The following SPHKAP variants were observed in gnomAD, a reference collection of about 807,000 sequenced individuals.
SPHKAP encodes A-kinase anchor protein SPHKAP.
Under a neutral mutation model 137.5 loss-of-function variants are expected in SPHKAP, and 67 were observed. The observed-to-expected ratio is 0.49, with a 90% CI of 0.40 to 0.60. The LOEUF (loss-of-function observed/expected upper bound fraction) is 0.60. SPHKAP is among the 20% of genes least tolerant of loss of function. SPHKAP has a pLI of 0.00. For missense variants in SPHKAP, 2,097 were observed against 2,069.3 expected (o/e 1.01, Z -0.26); for synonymous variants, 813 against 785.3 (o/e 1.04, Z -0.59).
chr2:228,012,551 C>T (rs1366418997), intron 7 of SPHKAP, among the ~76,000 whole-genome samples: 1 of 152,162 alleles, frequency 6.6e-6, no homozygotes, highest in African/African-American at 2.4e-5. Flanking sequence ...TTTTTCTCAT[C>T]ACACTGTACA....
intron 2 of SPHKAP, 71 bp downstream of exon 2, chr2:228,131,909 G>A: frequency 1.9e-6 from 3 of 1,545,336 alleles, no homozygotes; most frequent in Non-Finnish European, 2.7e-6. Context: ...TAGGAAGAGT[G>A]CTTAAAATTT....
At chr2:228,054,181 C>T (rs991360830) in intron 3 of SPHKAP, among the ~76,000 whole-genome samples, 2 of 152,002 alleles carry the variant, frequency 1.3e-5, no homozygotes, top group African/African-American at 4.8e-5. Context: ...TCAGAGACAA[C>T]GTGGAGAGGA....
chr2:228,107,552 T>C (rs1451162946), intron 3 of SPHKAP, among the ~76,000 whole-genome samples: 1 of 152,154 alleles, frequency 6.6e-6, no homozygotes, highest in Non-Finnish European at 1.5e-5. Context: ...CATATACTCT[T>C]TGCCTTTCAC....
At chr2:228,055,758 A>G (rs949818698) in intron 3 of SPHKAP, among the ~76,000 whole-genome samples, 18 of 152,218 alleles carry the variant, frequency 1.2e-4, no homozygotes, top group African/African-American at 4.1e-4. Context: ...TACTACTCCC[A>G]TGAAAGCTGT....
chr2:228,121,861 A>G (rs1574868556), intron 2 of SPHKAP, among the ~76,000 whole-genome samples: 1 of 152,134 alleles, frequency 6.6e-6, no homozygotes, highest in Admixed American at 6.6e-5. Context: ...CACTGGCAGG[A>G]CTGAAAACTG....
chr2:228,029,248 TTTAG>T (rs2106234028), intron 3 of SPHKAP, among the ~76,000 whole-genome samples: 1 of 152,356 alleles, frequency 6.6e-6, no homozygotes, highest in South Asian at 2.1e-4. Context: ...TTACCTGGAA[TTTAG>T]TTAGACATTT....
At position 228,017,449 on chromosome 2, in the gene SPHKAP, G is replaced by T; in HGVS notation, c.3405C>A (p.Asn1135Lys). The T allele has an allele frequency of 6.2e-7, 1 of 1,613,808 alleles. No homozygotes were observed. Among genetic ancestry groups the T allele is most frequent in the Non-Finnish European group, 8.5e-7 (1 of 1,180,008 alleles). Reference sequence around the variant, plus strand: ...ATCCTCTCCCTTCATTTTCCATCTGGTTCACCATGAACCTGGAAAACTCAT... The same window carrying T: ...ATCCTCTCCCTTCATTTTCCATCTGTTTCACCATGAACCTGGAAAACTCAT... ...ITDEFSRFMV[N>K]QMENEGRGFE... Residue 1135 changes from asparagine to lysine, a missense_variant, in exon 7 of 12, where the codon AAC becomes AAA. Transcript: ENST00000392056.
intron 7 of SPHKAP, among the ~76,000 whole-genome samples, chr2:228,006,692 T>A (rs1694152258): frequency 6.6e-6 from 1 of 152,230 alleles, no homozygotes. Context: ...TGGTCTTTGA[T>A]GATGGTGATG....
intron 3 of SPHKAP, among the ~76,000 whole-genome samples, chr2:228,062,172 T>C (rs2106288431): frequency 6.6e-6 from 1 of 151,268 alleles, no homozygotes; most frequent in East Asian, 1.9e-4. Context: ...TTTTAATTTT[T>C]CTTTTTTTTT....
At chr2:227,993,801 T>C (rs1225958630) in intron 8 of SPHKAP, among the ~76,000 whole-genome samples, 181 bp from the exon 9 acceptor site, 2 of 152,130 alleles carry the variant, frequency 1.3e-5, no homozygotes, top group Admixed American at 1.3e-4. Context: ...TAATGAGACA[T>C]AGGCCTAACC....
At chr2:228,046,161 T>C (rs1172022922) in intron 3 of SPHKAP, among the ~76,000 whole-genome samples, 3 of 152,102 alleles carry the variant, frequency 2.0e-5, no homozygotes, top group Non-Finnish European at 2.9e-5. Flanking sequence ...AATGTATACA[T>C]AGGTCAAATC....
intron 7 of SPHKAP, among the ~76,000 whole-genome samples, chr2:228,013,249 A>G (rs1254969056): frequency 6.6e-6 from 1 of 152,116 alleles, no homozygotes; most frequent in East Asian, 1.9e-4. Context: ...TGTTTGTAAG[A>G]TATTCCTTTT....
chr2:228,029,527 GA>G (rs1695200815), intron 3 of SPHKAP, among the ~76,000 whole-genome samples: 1 of 152,144 alleles, frequency 6.6e-6, no homozygotes. Context: ...AGAATAACTT[GA>G]TGGGCATTAG....
intron 7 of SPHKAP, among the ~76,000 whole-genome samples, chr2:227,996,351 C>T (rs1693640159): frequency 6.6e-6 from 1 of 152,190 alleles, no homozygotes; most frequent in Non-Finnish European, 1.5e-5. Context: ...CTCTCCAGAG[C>T]ATTTAACCCT....
chr2:228,108,425 T>G (rs1460936275), intron 3 of SPHKAP, among the ~76,000 whole-genome samples: 1 of 152,146 alleles, frequency 6.6e-6, no homozygotes, highest in Non-Finnish European at 1.5e-5. Context: ...AAATAATGAC[T>G]GTAACATATA....
chr2:228,021,612 G>A lies in SPHKAP; in HGVS notation c.697+99C>T, dbSNP rs1214118681. 4 of 1,401,858 alleles carry A rather than the reference G, an allele frequency of 2.9e-6. No homozygotes were observed. In the East Asian group the frequency reaches 9.2e-5, roughly 32 times the overall value. The allele number at this position is 1,401,858 out of a possible 1,614,324, so 86.8% of individuals were successfully genotyped here. On this transcript the variant is annotated intron_variant, in intron 6 of 11. Transcript: ENST00000392056. ...ATTCAGCAAGTAAAGACTGTGATGT[G>A]TCAGCCAAACTGATGTGGCCTGGAA...
At chr2:228,109,451 A>G (rs951869618) in intron 2 of SPHKAP, 5 of 829,356 alleles carry the variant, frequency 6.0e-6, no homozygotes, top group African/African-American at 1.8e-5. Context: ...AAAAGTTGTT[A>G]GAAATAACTT....
At chr2:228,029,345 T>C (rs1695193542) in intron 3 of SPHKAP, among the ~76,000 whole-genome samples, 2 of 152,240 alleles carry the variant, frequency 1.3e-5, no homozygotes, top group Non-Finnish European at 2.9e-5. Context: ...CCATCTTTTT[T>C]CTTTTTGAGG....
In SPHKAP at chr2:227,993,547, A is replaced by C. The variant is rs1383674456; in HGVS notation, c.4708T>G (p.Ser1570Ala). The change falls in exon 9 of 12, where the codon TCT becomes GCT. Residue 1570 changes from serine to alanine, a missense_variant. Ser to Ala is a moderately conservative substitution (Grantham distance 99, BLOSUM62 1). Coordinates refer to ENST00000392056, the MANE Select transcript of SPHKAP (RefSeq NM_001142644.2). ...GTGGCTACTTACTTAATCATGGGAGAAGATGGCATGCTTTCCTGATAAATG... is the reference window on the plus strand; with the variant it reads ...GTGGCTACTTACTTAATCATGGGAGCAGATGGCATGCTTTCCTGATAAATG... ...LDIYQESMPS[S>A]PMINELVEEK... 6.2e-6 allele frequency: 10 copies of C among 1,602,796 alleles called. No individual in the cohort carries two copies. The highest frequency in any genetic ancestry group is 8.5e-6 in the Non-Finnish European group (10 of 1,174,682).
Sources: gnomAD v4.1 joint callset for allele counts (sites outside exome capture counted in the v4.1 genomes callset) on GRCh38, gnomAD v4.1.1 for gene constraint, MANE v1.5 for transcripts, NCBI Gene and HGNC (gene_info 2026-07-23, HGNC 2026-07-21) for gene names.